PAQR5: variants seen among roughly 807,000 people sequenced by gnomAD.
The protein encoded by PAQR5 is membrane progestin receptor gamma.
Under a neutral mutation model 34.5 loss-of-function variants are expected in PAQR5, and 20 were observed. The ratio of observed to expected loss-of-function variants is 0.58; its 90% CI spans 0.41 to 0.84. The LOEUF is 0.84. Among genes scored for constraint, PAQR5 ranks in the 40% least tolerant of loss-of-function variants. The pLI is 0.00. For synonymous variants in PAQR5, 131 were observed against 155.6 expected, an observed-to-expected ratio of 0.84 and a Z score of 1.18; for missense variants, 378 against 412.7, an observed-to-expected ratio of 0.92 and a Z score of 0.73.
intron 1 of PAQR5, among the ~76,000 whole-genome samples, chr15:69,302,580 T>C (rs192730496): frequency 6.9e-4 from 105 of 152,304 alleles, no homozygotes; most frequent in African/African-American, 2.4e-3. Context: ...CTGCCCACCT[T>C]GCTTTGAAGA....
At chr15:69,339,608 G>A (rs547810704) in intron 2 of PAQR5, among the ~76,000 whole-genome samples, 44 of 152,196 alleles carry the variant, frequency 2.9e-4, no homozygotes, top group African/African-American at 1.0e-3. Context: ...AAGTAACTGG[G>A]ACCACAGGTG....
intron 6 of PAQR5, chr15:69,397,033 C>T (rs1257214517): frequency 1.6e-5 from 6 of 371,666 alleles, no homozygotes; most frequent in African/African-American, 4.2e-5. Flanking sequence ...TACCTGGGCT[C>T]CAACTAGATG....
intron 2 of PAQR5, among the ~76,000 whole-genome samples, chr15:69,339,169 CACCCCCCA>C (rs986244309): frequency 2.4e-4 from 4 of 16,770 alleles, no homozygotes; most frequent in Non-Finnish European, 1.9e-3. Context: ...CCACTGGCTA[CACCCCCCA>C]CCCCGCCACC....
chr15:69,317,230 A>T (rs1330594438), intron 1 of PAQR5, among the ~76,000 whole-genome samples: 1 of 152,236 alleles, frequency 6.6e-6, no homozygotes, highest in Non-Finnish European at 1.5e-5. Context: ...CGGGACTCAA[A>T]GCCTGGGTGA....
rs2053578922 is a variant in PAQR5, at chr15:69,300,937, C to CTCTCTCTTTCCT, written c.-277+1884_-277+1885insCTCTTTCCTTCT. ...CCTTTCTCTCTCTCTCTCTCTCTCT[C>CTCTCTCTTTCCT]TCTTTCTTTCCTTCTTTCTTTCTTT... On this transcript the variant is annotated intron_variant, in intron 1 of 8. Coordinates refer to ENST00000395407, the MANE Select transcript of PAQR5 (RefSeq NM_017705.4). Among the ~76,000 whole-genome samples the CTCTCTCTTTCCT allele has an allele frequency of 1.2e-3, 6 of 5,188 alleles. 1 individual carries two copies. Among genetic ancestry groups the CTCTCTCTTTCCT allele is most frequent in the Admixed American group, 9.4e-3 (2 of 212 alleles). 3.4% of individuals were successfully genotyped at this position (5,188 alleles called of 152,430 possible). A position where few individuals can be genotyped will look rare whatever the true frequency, so the allele number is the denominator to read the frequency against.
chr15:69,374,848 C>T (rs2055662652), intron 3 of PAQR5, among the ~76,000 whole-genome samples: 1 of 152,126 alleles, frequency 6.6e-6, no homozygotes, highest in African/African-American at 2.4e-5. Flanking sequence ...GGAACTTCCT[C>T]TTCTGTAGGG....
intron 1 of PAQR5, among the ~76,000 whole-genome samples, chr15:69,332,316 C>T (rs1404707842): frequency 6.6e-6 from 1 of 152,158 alleles, no homozygotes; most frequent in Non-Finnish European, 1.5e-5. Flanking sequence ...AGTTACAAAC[C>T]TTGCTACAGG....
chr15:69,372,880 T>G (rs1198798690), intron 3 of PAQR5, among the ~76,000 whole-genome samples: 1 of 152,190 alleles, frequency 6.6e-6, no homozygotes, highest in Non-Finnish European at 1.5e-5. Flanking sequence ...TGTAACAAAT[T>G]ACCACAAACT....
At chr15:69,357,100 A>G (rs764604871) in intron 2 of PAQR5, among the ~76,000 whole-genome samples, 30 of 151,962 alleles carry the variant, frequency 2.0e-4, no homozygotes, top group Non-Finnish European at 4.0e-4. Context: ...TTCGCCGTAC[A>G]ACTTGCCAGC....
intron 3 of PAQR5, among the ~76,000 whole-genome samples, chr15:69,368,080 G>A (rs2055450888): frequency 6.6e-6 from 1 of 150,512 alleles, no homozygotes; most frequent in African/African-American, 2.4e-5. Context: ...TTTAGACCAA[G>A]TCTTGCTCTG....
rs778337025 is a variant in PAQR5 at position 69,389,763 on chromosome 15, C to T, written c.495C>T (p.Gly165=). Residue 165 remains glycine (G), a synonymous_variant, in exon 6 of 9, where the codon GGC becomes GGT. Coordinates refer to ENST00000395407, the MANE Select transcript of PAQR5 (RefSeq NM_017705.4). ...TACTGAACACCATCCTCAGCACAGG[C>T]CTCTCCTGCTACTCCAGGTACTGGT... is the stretch of plus-strand genomic sequence containing the variant. The part of the protein sequence containing the change: ...LAVLNTILST[G]LSCYSRFLEI... The T allele has an allele frequency of 5.0e-6, 8 of 1,614,034 alleles. No individual in the cohort carries two copies.
chr15:69,379,470 C>G, intron 3 of PAQR5: 1 of 985,396 alleles, frequency 1.0e-6, no homozygotes, highest in Non-Finnish European at 1.2e-6. Flanking sequence ...TTCTTCCCAC[C>G]AGCCCCTGAC....
chr15:69,303,428 A>G (rs1197373138), intron 1 of PAQR5, among the ~76,000 whole-genome samples: 1 of 152,000 alleles, frequency 6.6e-6, no homozygotes, highest in African/African-American at 2.4e-5. Context: ...AGTCATCCCC[A>G]CCAGACCTCC....
chr15:69,340,152 C>T (rs910515781), intron 2 of PAQR5, among the ~76,000 whole-genome samples: 2 of 152,114 alleles, frequency 1.3e-5, no homozygotes, highest in African/African-American at 4.8e-5. Flanking sequence ...AGGCATGAGC[C>T]ACCGTGCCCG....
At chr15:69,332,154 G>A (rs2054394123) in intron 1 of PAQR5, among the ~76,000 whole-genome samples, 1 of 152,206 alleles carries the variant, frequency 6.6e-6, no homozygotes, top group African/African-American at 2.4e-5. Context: ...AAGGATTTGT[G>A]AGACTAGTCT....
chr15:69,378,079 A>G (rs934011105), intron 3 of PAQR5, among the ~76,000 whole-genome samples: 1 of 151,898 alleles, frequency 6.6e-6, no homozygotes, highest in Admixed American at 6.6e-5. Context: ...TCTGGGCAAC[A>G]TGATGAAACC....
At chr15:69,300,841 TTTTCTTTCTTTC>T (rs541929828) in intron 1 of PAQR5, among the ~76,000 whole-genome samples, 695 of 19,554 alleles carry the variant, frequency 0.036, 139 homozygotes, top group African/African-American at 0.078. Context: ...CTTTAGTTCG[TTTTCTTTCTTTC>T]TTTCTTTCTT....
At chr15:69,358,560 C>A (rs2055141235) in intron 2 of PAQR5, among the ~76,000 whole-genome samples, 1 of 151,896 alleles carries the variant, frequency 6.6e-6, no homozygotes, top group South Asian at 2.1e-4. Flanking sequence ...AGTTATTCCG[C>A]CCCTCCCACC....
intron 3 of PAQR5, chr15:69,379,334 C>T (rs1270071902): frequency 9.5e-6 from 7 of 738,846 alleles, no homozygotes; most frequent in Non-Finnish European, 9.9e-6. Flanking sequence ...CTTGAGCAGC[C>T]GTGCTGTGGG....
Sources: gnomAD v4.1 joint callset for allele counts (sites outside exome capture counted in the v4.1 genomes callset) on GRCh38, gnomAD v4.1.1 for gene constraint, MANE v1.5 for transcripts, NCBI Gene and HGNC (gene_info 2026-07-23, HGNC 2026-07-21) for gene names.